The following SMYD3 variants were observed in gnomAD, a reference collection of about 807,000 sequenced individuals.
The protein encoded by SMYD3 is SET and MYND domain containing 3.
A neutral mutation model predicts 57.7 loss-of-function variants in SMYD3; 36 were observed. That is an observed-to-expected ratio of 0.62 (90% CI 0.48 to 0.82). The LOEUF is 0.82. Ranked by LOEUF, SMYD3 falls within the 40% of genes least tolerant of loss-of-function variation. SMYD3 has a pLI of 0.00. For synonymous variants in SMYD3, 211 were observed against 195.0 expected (o/e 1.08, Z -0.68); for missense variants, 515 against 538.8 (o/e 0.96, Z 0.44).
chr1:245,803,781 C>T (rs2047994335), intron 10 of SMYD3, among the ~76,000 whole-genome samples: 1 of 152,086 alleles, frequency 6.6e-6, no homozygotes, highest in Non-Finnish European at 1.5e-5. Flanking sequence ...ATTTGATGTG[C>T]CTGATTTTGA....
chr1:246,486,352 A>C (rs1200296757), intron 1 of SMYD3, among the ~76,000 whole-genome samples: 1 of 152,222 alleles, frequency 6.6e-6, no homozygotes, highest in Non-Finnish European at 1.5e-5. Context: ...TAATAATAGA[A>C]GATTCCATAC....
At chr1:245,979,014 G>C (rs1391513175) in intron 5 of SMYD3, among the ~76,000 whole-genome samples, 1 of 152,176 alleles carries the variant, frequency 6.6e-6, no homozygotes, top group African/African-American at 2.4e-5. Context: ...CCGTATATCA[G>C]AGAGCCCTTT....
intron 8 of SMYD3, among the ~76,000 whole-genome samples, chr1:245,913,158 T>C (rs1001126064): frequency 2.6e-5 from 4 of 152,068 alleles, no homozygotes; most frequent in African/African-American, 9.7e-5. Flanking sequence ...GTGGCACATA[T>C]ACACCATGGA....
At chr1:245,887,829 G>A (rs1297486404) in intron 8 of SMYD3, among the ~76,000 whole-genome samples, 1 of 152,108 alleles carries the variant, frequency 6.6e-6, no homozygotes, top group Non-Finnish European at 1.5e-5. Context: ...TATGATATAT[G>A]TCTCACATCA....
intron 1 of SMYD3, among the ~76,000 whole-genome samples, chr1:246,375,829 A>G (rs2066267176): frequency 6.6e-6 from 1 of 152,090 alleles, no homozygotes; most frequent in Non-Finnish European, 1.5e-5. Flanking sequence ...CCCTGGGTTG[A>G]AGCAACAATC....
At chr1:246,142,177 C>T (rs148685306) in intron 5 of SMYD3, among the ~76,000 whole-genome samples, 1 of 152,190 alleles carries the variant, frequency 6.6e-6, no homozygotes, top group African/African-American at 2.4e-5. Flanking sequence ...TAGTACTGTA[C>T]CCTCTATACT....
intron 5 of SMYD3, among the ~76,000 whole-genome samples, chr1:246,125,318 T>G (rs2148045045): frequency 6.6e-6 from 1 of 152,312 alleles, no homozygotes; most frequent in South Asian, 2.1e-4. Flanking sequence ...TCATGTTAAT[T>G]TTATCTGAAG....
chr1:245,833,513 C>T (rs1253817990), intron 10 of SMYD3, among the ~76,000 whole-genome samples: 2 of 152,124 alleles, frequency 1.3e-5, no homozygotes, highest in Non-Finnish European at 2.9e-5. Context: ...GTAAAAAATG[C>T]CACAGAAGTA....
chr1:245,750,185 A>G (rs2045278469), intron 11 of SMYD3, among the ~76,000 whole-genome samples: 1 of 152,128 alleles, frequency 6.6e-6, no homozygotes, highest in Non-Finnish European at 1.5e-5. Context: ...GTCAACTCTT[A>G]TCTTCAAAAT....
rs187567603 is a variant in SMYD3 at position 246,440,258 on chromosome 1, A to G, written c.164+66796T>C. ...GACCTCAGATGCCATTTTGGAATCT[A>G]TTTTTACCACTTAATGTGATTATTT... On this transcript the variant is annotated intron_variant, in intron 1 of 11. Transcript: ENST00000490107. Among the ~76,000 whole-genome samples the G allele has an allele frequency of 7.0e-4, 106 of 152,300 alleles. 3 individuals are homozygous for G. The highest frequency in any genetic ancestry group is 6.2e-3 in the Admixed American group (95 of 15,292).
chr1:246,336,397 C>T (rs1414514330), intron 2 of SMYD3, among the ~76,000 whole-genome samples: 7 of 152,160 alleles, frequency 4.6e-5, no homozygotes, highest in Non-Finnish European at 8.8e-5. Context: ...ATGCCTGATA[C>T]CACTTACTCA....
chr1:245,882,408 C>T (rs1031109312), intron 8 of SMYD3, among the ~76,000 whole-genome samples: 3 of 152,298 alleles, frequency 2.0e-5, no homozygotes, highest in East Asian at 1.9e-4. Context: ...ATCAAACCTT[C>T]ATCTCATCTG....
chr1:245,792,563 CAGTT>C (rs1342842666), intron 10 of SMYD3, among the ~76,000 whole-genome samples: 2 of 152,202 alleles, frequency 1.3e-5, no homozygotes, highest in Non-Finnish European at 2.9e-5. Flanking sequence ...CACAACTTCT[CAGTT>C]AGCATGGAAT....
chr1:246,105,996 T>G (rs1184721494), intron 5 of SMYD3, among the ~76,000 whole-genome samples: 2 of 152,220 alleles, frequency 1.3e-5, no homozygotes, highest in African/African-American at 4.8e-5. Context: ...CATTATGCAG[T>G]GAGATAAAGC....
At chr1:246,170,283 T>C (rs550948306) in intron 5 of SMYD3, among the ~76,000 whole-genome samples, 1 of 152,126 alleles carries the variant, frequency 6.6e-6, no homozygotes, top group East Asian at 1.9e-4. Flanking sequence ...ATATATATTA[T>C]GTATGAAATA....
At chr1:245,806,589 T>C (rs2048152695) in intron 10 of SMYD3, among the ~76,000 whole-genome samples, 1 of 152,158 alleles carries the variant, frequency 6.6e-6, no homozygotes, top group Admixed American at 6.5e-5. Flanking sequence ...ACGTGTTATT[T>C]CTAAAGATGA....
intron 8 of SMYD3, among the ~76,000 whole-genome samples, chr1:245,897,237 C>A (rs752813196): frequency 2.6e-5 from 4 of 152,190 alleles, no homozygotes; most frequent in African/African-American, 4.8e-5. Flanking sequence ...TCCCTAGCAC[C>A]TGACTTAAGG....
At chr1:245,913,160 C>T (rs1263358863) in intron 8 of SMYD3, among the ~76,000 whole-genome samples, 1 of 152,132 alleles carries the variant, frequency 6.6e-6, no homozygotes, top group Non-Finnish European at 1.5e-5. Context: ...GGCACATATA[C>T]ACCATGGAAT....
chr1:246,479,240 T>C (rs1047115651), intron 1 of SMYD3, among the ~76,000 whole-genome samples: 4 of 152,212 alleles, frequency 2.6e-5, no homozygotes, highest in African/African-American at 9.7e-5. Context: ...AAGATCATGG[T>C]TCATACTCCA....
Sources: allele counts gnomAD v4.1 joint callset (sites outside exome capture counted in the v4.1 genomes callset), GRCh38; gene constraint gnomAD v4.1.1; transcripts MANE v1.5; gene names NCBI Gene and HGNC (gene_info 2026-07-23, HGNC 2026-07-21).